Variants in ATF2 observed in about 807,000 individuals in gnomAD.
ATF2 encodes activating transcription factor 2, also known as cyclic AMP-dependent transcription factor ATF-2.
Under a neutral mutation model 60.6 loss-of-function variants are expected in ATF2, and 24 were observed. The observed-to-expected ratio is 0.40, with a 90% CI of 0.29 to 0.56. The LOEUF is 0.56. Among genes scored for constraint, ATF2 ranks in the 20% least tolerant of loss-of-function variants. The pLI is 0.54. For synonymous variants in ATF2, 206 were observed against 215.4 expected (o/e 0.96, Z 0.38); for missense variants, 433 against 607.7 (o/e 0.71, Z 3.02).
At chr2:175,132,752 C>T (rs1321538161) in intron 3 of ATF2, 1 of 152,170 alleles carries the variant, frequency 6.6e-6, no homozygotes, top group African/African-American at 2.4e-5. Flanking sequence ...GTAATGAATT[C>T]AGTATCTTTA....
At chr2:175,159,937 T>C (rs775274454) in intron 1 of ATF2, among the ~76,000 whole-genome samples, 2 of 152,210 alleles carry the variant, frequency 1.3e-5, no homozygotes, top group East Asian at 1.9e-4. Context: ...ATACCTTTCA[T>C]TGCTTTTTTT....
chr2:175,121,089 C>A (rs1462694669), intron 5 of ATF2, among the ~76,000 whole-genome samples: 2 of 151,762 alleles, frequency 1.3e-5, no homozygotes, highest in Non-Finnish European at 3.0e-5. Flanking sequence ...TCTATCTTCA[C>A]ACAGCCTTGT....
chr2:175,151,567 T>C (rs183057922), intron 1 of ATF2, among the ~76,000 whole-genome samples: 8 of 152,282 alleles, frequency 5.3e-5, no homozygotes, highest in East Asian at 1.9e-4. Context: ...TCTTATGTCA[T>C]TGCTGCACAA....
intron 13 of ATF2, among the ~76,000 whole-genome samples, chr2:175,078,611 C>A (rs113962530): frequency 3.3e-5 from 5 of 152,250 alleles, no homozygotes; most frequent in African/African-American, 1.2e-4. Context: ...CTTAGTACTT[C>A]CACCTTTACT....
intron 11 of ATF2, among the ~76,000 whole-genome samples, chr2:175,094,850 A>C (rs1480008083): frequency 6.6e-6 from 1 of 152,038 alleles, no homozygotes; most frequent in Non-Finnish European, 1.5e-5. Context: ...CTGAGGTGGG[A>C]GAGGATTGCT....
At chr2:175,095,805 C>G (rs977063160) in intron 11 of ATF2, among the ~76,000 whole-genome samples, 1 of 152,090 alleles carries the variant, frequency 6.6e-6, no homozygotes, top group Non-Finnish European at 1.5e-5. Context: ...AAAGTAAGGA[C>G]AATAAATTAT....
intron 6 of ATF2, 43 bp from the exon 7 acceptor site, chr2:175,118,161 A>T (rs373557578): frequency 2.5e-6 from 4 of 1,597,856 alleles, no homozygotes; most frequent in South Asian, 2.2e-5. Flanking sequence ...GTTCAAAAAC[A>T]GTGTGTCTAA....
intron 10 of ATF2, among the ~76,000 whole-genome samples, chr2:175,110,365 T>C (rs1371790542): frequency 6.6e-6 from 1 of 152,110 alleles, no homozygotes; most frequent in Non-Finnish European, 1.5e-5. Context: ...AATTCAGCTC[T>C]GCAATATGTT....
At chr2:175,089,174 C>CT (rs1203627399) in intron 12 of ATF2, among the ~76,000 whole-genome samples, 1 of 142,076 alleles carries the variant, frequency 7.0e-6, no homozygotes, top group East Asian at 2.0e-4. Flanking sequence ...GAGCAAAACT[C>CT]TGTCTCCAAA....
chr2:175,164,780 G>T (rs1339295040), intron 1 of ATF2, among the ~76,000 whole-genome samples: 7 of 152,184 alleles, frequency 4.6e-5, no homozygotes, highest in Non-Finnish European at 1.0e-4. Context: ...TTAGCCTTGA[G>T]GAACAGGTGT....
In ATF2 at chr2:175,107,658, C is replaced by A. The variant is rs370467275; in HGVS notation, c.828+3910G>T. Among the ~76,000 whole-genome samples, 48 of 152,336 alleles carry A rather than the reference C, an allele frequency of 3.2e-4. 4 individuals carry two copies. The highest frequency in any genetic ancestry group is 2.9e-3 in the East Asian group (15 of 5,164). ...CTGCCGCCATCTCTGCTCACTGCAA[C>A]CTCCCTGCCTGATTCTCCTGCCACA... is the stretch of plus-strand genomic sequence containing the variant. On this transcript the variant is annotated intron_variant, in intron 10 of 13. Transcript: ENST00000264110.
chr2:175,148,236 T>C (rs879865285), intron 2 of ATF2, among the ~76,000 whole-genome samples: 3 of 152,126 alleles, frequency 2.0e-5, no homozygotes, highest in African/African-American at 4.8e-5. Context: ...CTCTTTTTAC[T>C]TGAATTTATC....
chr2:175,125,042 A>G (rs1697234285), intron 4 of ATF2, among the ~76,000 whole-genome samples: 1 of 152,090 alleles, frequency 6.6e-6, no homozygotes, highest in Non-Finnish European at 1.5e-5. Context: ...CTCTCTCTGA[A>G]GTTGTATTGT....
chr2:175,126,417 A>T (rs1697339153), intron 4 of ATF2, among the ~76,000 whole-genome samples: 1 of 152,190 alleles, frequency 6.6e-6, no homozygotes, highest in East Asian at 1.9e-4. Context: ...ACAAACCTCG[A>T]CAATGGAAAA....
rs1695857042 is a variant in ATF2 at position 175,108,252 on chromosome 2, C to A, written c.828+3316G>T. On this transcript the variant is annotated intron_variant, in intron 10 of 13. Transcript: ENST00000264110. Reference sequence around the variant, plus strand: ...ATCTGAGAAGTGAGGAGCCCCTCCGCCCAGCAGCCGCCCCGTCTGGGAAGC... The same window carrying A: ...ATCTGAGAAGTGAGGAGCCCCTCCGACCAGCAGCCGCCCCGTCTGGGAAGC... 2.0e-5 allele frequency among the ~76,000 whole-genome samples: 3 copies of A among 151,858 alleles called. No individual in the cohort carries two copies. In the South Asian group the frequency reaches 6.2e-4, roughly 31 times the overall value.
intron 2 of ATF2, among the ~76,000 whole-genome samples, chr2:175,146,326 C>T (rs1028509172): frequency 6.6e-6 from 1 of 152,114 alleles, no homozygotes; most frequent in Non-Finnish European, 1.5e-5. Context: ...TAGACGGAAT[C>T]CTTTTTCTAT....
intron 13 of ATF2, among the ~76,000 whole-genome samples, chr2:175,075,364 C>G (rs1434162182): frequency 3.9e-5 from 6 of 152,104 alleles, no homozygotes; most frequent in Non-Finnish European, 8.8e-5. Flanking sequence ...ACACCTGATT[C>G]TAATGATGCA....
chr2:175,151,010 A>C (rs1699278549), intron 2 of ATF2, 50 bp downstream of exon 2: 1 of 152,608 alleles, frequency 6.6e-6, no homozygotes, highest in African/African-American at 2.4e-5. Context: ...TTGAAAGATA[A>C]TCACAAAATG....
intron 1 of ATF2, among the ~76,000 whole-genome samples, chr2:175,162,858 G>A (rs996874928): frequency 3.4e-4 from 52 of 152,166 alleles, no homozygotes; most frequent in African/African-American, 1.2e-3. Context: ...AGCAGGCTGG[G>A]TGCAGTGGCT....
Sources: gnomAD v4.1 joint callset for allele counts (sites outside exome capture counted in the v4.1 genomes callset) on GRCh38, gnomAD v4.1.1 for gene constraint, MANE v1.5 for transcripts, NCBI Gene and HGNC (gene_info 2026-07-23, HGNC 2026-07-21) for gene names.